RAB11A: variants seen among roughly 807,000 people sequenced by gnomAD.
RAB11A encodes the protein RAB11A, member RAS oncogene family.
In RAB11A, 9 loss-of-function variants were observed where a neutral mutation model predicts 28.0. The observed-to-expected ratio is 0.32, with a 90% CI of 0.19 to 0.56. The LOEUF is 0.56. RAB11A is among the 20% of genes least tolerant of loss of function. The pLI, the probability that RAB11A is intolerant of heterozygous loss-of-function variation, is 0.91. For synonymous variants in RAB11A, 85 were observed against 88.2 expected (o/e 0.96, Z 0.20); for missense variants, 108 against 269.6 (o/e 0.40, Z 4.20).
At position 65,891,930 on chromosome 15, in the gene RAB11A, C is replaced by A. The variant is rs1227047900; in HGVS notation, c.*4090C>A. On this transcript the variant is annotated 3_prime_UTR_variant, in exon 5 of 5. Transcript: ENST00000261890. ...TATGGCTTTTGCTGTTAAAAAAAAA[C>A]TGCTGGCTTTTAATATGTACTTTAA... is the stretch of plus-strand genomic sequence containing the variant. The A allele has an allele frequency of 2.0e-5, 3 of 152,008 alleles. No homozygotes were observed. Among genetic ancestry groups the A allele is most frequent in the Non-Finnish European group, 1.5e-5 (1 of 67,984 alleles). 9.4% of individuals were successfully genotyped at this position (152,008 alleles called of 1,614,324 possible). A position where few individuals can be genotyped will look rare whatever the true frequency, so the allele number is the denominator to read the frequency against.
chr15:65,872,233 C>T (rs2078166566), intron 1 of RAB11A, among the ~76,000 whole-genome samples: 1 of 151,844 alleles, frequency 6.6e-6, no homozygotes, highest in Non-Finnish European at 1.5e-5. Context: ...GGATTATAGG[C>T]GTGAGCCACT....
chr15:65,877,844 A>G lies in RAB11A; in HGVS notation c.319A>G (p.Lys107Glu). 6.2e-7 allele frequency: 1 copy of G among 1,612,048 alleles called. No homozygotes were observed. Among genetic ancestry groups the G allele is most frequent in the Non-Finnish European group, 8.5e-7 (1 of 1,178,080 alleles). ...ATATGAAAATGTAGAGCGATGGCTGAAAGAACTGAGAGATCATGCTGATAG... is the reference window on the plus strand; with the variant it reads ...ATATGAAAATGTAGAGCGATGGCTGGAAGAACTGAGAGATCATGCTGATAG... ...LTYENVERWL[K>E]ELRDHADSNI... Residue 107 changes from lysine (K) to glutamate (E), a missense_variant, in exon 3 of 5, where the codon AAA becomes GAA. Lys to Glu is a moderately conservative substitution (Grantham distance 56). This residue lies in a region of RAB11A where 85 missense variants were observed against 145.9 expected (regional missense o/e 0.58). Transcript: ENST00000261890. The surrounding 1 kb of genome is among the most constrained non-coding windows in gnomAD (Gnocchi z 4.1).
Position 65,882,798 on chromosome 15 carries a change from T to C in RAB11A, c.511+3047T>C, listed in dbSNP as rs373537883. Among the ~76,000 whole-genome samples, 46 of 152,294 alleles carry C rather than the reference T, an allele frequency of 3.0e-4. No homozygotes were observed. In the East Asian group the frequency reaches 5.4e-3, roughly 18 times the overall value. ...CTCCGCCTCTGAATTTCAGTACAGC[T>C]TTGTCTTTTCTCAGGTTCACTAAAG... is the stretch of plus-strand genomic sequence containing the variant. On this transcript the variant is annotated intron_variant, in intron 4 of 4. Transcript: ENST00000261890.
At chr15:65,881,892 A>C (rs1206517133) in intron 4 of RAB11A, among the ~76,000 whole-genome samples, 2 of 151,138 alleles carry the variant, frequency 1.3e-5, no homozygotes, top group Admixed American at 6.6e-5. Flanking sequence ...AAAAAAAAAA[A>C]AAAAAAAAAC....
chr15:65,883,841 CT>C (rs375109941), intron 4 of RAB11A, among the ~76,000 whole-genome samples: 1 of 152,180 alleles, frequency 6.6e-6, no homozygotes, highest in African/African-American at 2.4e-5. Context: ...GCCACCGCCC[CT>C]GGCCTTATTC....
intron 4 of RAB11A, among the ~76,000 whole-genome samples, chr15:65,880,355 C>T (rs1005322097): frequency 7.2e-5 from 11 of 152,150 alleles, no homozygotes; most frequent in African/African-American, 2.7e-4. Context: ...AAGAAGTGTT[C>T]ACTCATATTT....
chr15:65,881,313 G>A (rs1362548138), intron 4 of RAB11A, among the ~76,000 whole-genome samples: 1 of 152,132 alleles, frequency 6.6e-6, no homozygotes, highest in African/African-American at 2.4e-5. Flanking sequence ...AACATGTAGA[G>A]TACTAGATTG....
At position 65,888,083 on chromosome 15, in the gene RAB11A, C is replaced by T. The variant is rs775765475; in HGVS notation, c.*243C>T. On this transcript the variant is annotated 3_prime_UTR_variant, in exon 5 of 5. Coordinates refer to ENST00000261890, the MANE Select transcript of RAB11A (RefSeq NM_004663.5). ...TAATAAACTGAATGTTTGGATTCCT[C>T]AGTTATTGTTTACTTTTCATCATGG... 1.6e-5 allele frequency: 6 copies of T among 369,440 alleles called. No homozygotes were observed. The highest frequency in any genetic ancestry group is 2.4e-5 in the Non-Finnish European group (5 of 209,262). The allele number at this position is 369,440 out of a possible 1,614,324, so 22.9% of individuals were successfully genotyped here. A position where few individuals can be genotyped will look rare whatever the true frequency, so the allele number is the denominator to read the frequency against.
At chr15:65,881,060 G>A (rs1400196775) in intron 4 of RAB11A, among the ~76,000 whole-genome samples, 1 of 152,090 alleles carries the variant, frequency 6.6e-6, no homozygotes, top group Non-Finnish European at 1.5e-5. Flanking sequence ...TAGCTGAACG[G>A]CAATTAAGGC....
At chr15:65,870,889 A>T (rs990284008) in intron 1 of RAB11A, among the ~76,000 whole-genome samples, 11 of 152,016 alleles carry the variant, frequency 7.2e-5, no homozygotes, top group African/African-American at 2.4e-4. Flanking sequence ...ATCAACGAAG[A>T]TAAAGGGTAC....
chr15:65,878,632 AGCGCC>A (rs1305412421), intron 3 of RAB11A, among the ~76,000 whole-genome samples: 1 of 152,216 alleles, frequency 6.6e-6, no homozygotes, highest in African/African-American at 2.4e-5. Context: ...GAGCCGAGAT[AGCGCC>A]ACTGCAGTCC....
At chr15:65,871,996 A>G (rs1596781014) in intron 1 of RAB11A, among the ~76,000 whole-genome samples, 1 of 143,696 alleles carries the variant, frequency 7.0e-6, no homozygotes, top group South Asian at 2.2e-4. Context: ...CAGTGGCACA[A>G]TCAAGGCTCA....
intron 4 of RAB11A, among the ~76,000 whole-genome samples, chr15:65,882,341 A>G (rs1378933063): frequency 6.6e-6 from 1 of 152,242 alleles, no homozygotes. Context: ...GTGTGAATGC[A>G]TAGAGAAAAC....
intron 4 of RAB11A, among the ~76,000 whole-genome samples, chr15:65,885,928 A>T (rs1249619310): frequency 2.0e-5 from 3 of 152,248 alleles, no homozygotes; most frequent in Non-Finnish European, 4.4e-5. Context: ...TGAGGGGATT[A>T]CTGGGGAGGA....
rs1404870775 is a variant in RAB11A, at chr15:65,888,630, C to G, written c.*790C>G. The G allele has an allele frequency of 6.6e-6, 1 of 152,302 alleles. No homozygotes were observed. The highest frequency in any genetic ancestry group is 1.5e-5 in the Non-Finnish European group (1 of 68,006). The allele number at this position is 152,302 out of a possible 1,614,324, so 9.4% of individuals were successfully genotyped here. ...AGATTTAAATGATCTATAATAATTT[C>G]CAAGCGGTAGATTATGTGGCATTTT... is the stretch of plus-strand genomic sequence containing the variant. On this transcript the variant is annotated 3_prime_UTR_variant, in exon 5 of 5. Transcript: ENST00000261890.
At chr15:65,875,688 A>G (rs928022983) in intron 1 of RAB11A, among the ~76,000 whole-genome samples, 1 of 152,212 alleles carries the variant, frequency 6.6e-6, no homozygotes, top group Non-Finnish European at 1.5e-5. Flanking sequence ...AAAGATATGC[A>G]TTTGATAATG....
At chr15:65,874,039 TG>T (rs748394923) in intron 1 of RAB11A, among the ~76,000 whole-genome samples, 1 of 152,224 alleles carries the variant, frequency 6.6e-6, no homozygotes, top group Non-Finnish European at 1.5e-5. Context: ...GTACTGTCTT[TG>T]ATGAATTATA....
chr15:65,870,127 T>A (rs1357649616), intron 1 of RAB11A: 1 of 152,922 alleles, frequency 6.5e-6, no homozygotes, highest in Admixed American at 6.5e-5. Flanking sequence ...CGAGCGAGCG[T>A]CTCTTCTGTA....
chr15:65,881,867 A>G (rs2141106301), intron 4 of RAB11A, among the ~76,000 whole-genome samples: 1 of 142,508 alleles, frequency 7.0e-6, no homozygotes, highest in South Asian at 2.3e-4. Context: ...ACATGGTAAA[A>G]CCCTGTCTCT....
Sources: gnomAD v4.1 joint callset for allele counts (sites outside exome capture counted in the v4.1 genomes callset) on GRCh38, gnomAD v4.1.1 for gene constraint, gnomAD v4.1.1 regional missense constraint, Gnocchi (gnomAD v3.1) non-coding constraint, MANE v1.5 for transcripts, NCBI Gene and HGNC (gene_info 2026-07-23, HGNC 2026-07-21) for gene names.